EPS8: variants seen among roughly 807,000 people sequenced by gnomAD.
EPS8 encodes epidermal growth factor receptor kinase substrate 8.
A neutral mutation model predicts 103.8 loss-of-function variants in EPS8; 42 were observed. The observed-to-expected ratio is 0.40, with a 90% CI of 0.32 to 0.52. EPS8 has a LOEUF of 0.52. Ranked by LOEUF, EPS8 falls within the 20% of genes least tolerant of loss-of-function variation. The probability of loss-of-function intolerance (pLI) is 0.40; values close to 1 mark genes in which losing one functional copy is unlikely to be tolerated. For synonymous variants in EPS8, 344 were observed against 344.6 expected (o/e 1.00, Z 0.02); for missense variants, 969 against 1,005.1 (o/e 0.96, Z 0.49).
intron 3 of EPS8, chr12:15,672,537 TG>T (rs1326518436): frequency 2.5e-6 from 1 of 398,182 alleles, no homozygotes; most frequent in African/African-American, 2.1e-5. Flanking sequence ...AAGAAAGATC[TG>T]GTTTCACCTA....
At chr12:15,641,591 G>A (rs1185581749) in intron 16 of EPS8, 131 bp downstream of exon 16, 3 of 459,384 alleles carry the variant, frequency 6.5e-6, no homozygotes, top group Admixed American at 8.1e-5. Context: ...CTACTAAATA[G>A]ATGTAGATAT....
chr12:15,621,377 T>C lies in EPS8; in HGVS notation c.2409A>G (p.Lys803=). The C allele has an allele frequency of 6.2e-7, 1 of 1,605,356 alleles. No individual in the cohort carries two copies. The highest frequency in any genetic ancestry group is 8.5e-7 in the Non-Finnish European group (1 of 1,176,900). The change falls in exon 21 of 21, where the codon AAA becomes AAG. Residue 803 remains lysine, a synonymous_variant. Transcript: ENST00000281172. ...CTGAATCACTAGCGGCAGCACTGAT[T>C]TTTTCCTGTCGTCTTCTCATAATTT... is the stretch of plus-strand genomic sequence containing the variant. ...LQEIMRRRQE[K]ISAAASDSGV...
Position 15,688,917 on chromosome 12 carries a change from G to A in EPS8, c.-21-5945C>T, listed in dbSNP as rs907217467. Among the ~76,000 whole-genome samples the A allele has an allele frequency of 2.0e-5, 3 of 152,166 alleles. No homozygotes were observed. Among genetic ancestry groups the A allele is most frequent in the African/African-American group, 7.2e-5 (3 of 41,438 alleles). ...ACACTCGCCCACGGGGGCTTCATCT[G>A]TAAACATTCACTCCTAGACACTGCT... On this transcript the variant is annotated intron_variant, in intron 1 of 20. Coordinates refer to ENST00000281172, the MANE Select transcript of EPS8 (RefSeq NM_004447.6). This position sits in a 1 kb window ranked among gnomAD's most constrained non-coding sequence, Gnocchi z 5.1.
chr12:15,767,930 T>G lies in EPS8; in HGVS notation c.-22+21231A>C, dbSNP rs1051881220. ...GTTATTTTACAAATAAAGTTTTCCA[T>G]TCAATTTAGAATAATGTAAAGAAAT... On this transcript the variant is annotated intron_variant, in intron 1 of 20. Transcript: ENST00000281172. This position sits in a 1 kb window ranked among gnomAD's most constrained non-coding sequence, Gnocchi z 5.5. Among the ~76,000 whole-genome samples, 1 of 152,244 alleles carries G rather than the reference T, an allele frequency of 6.6e-6. No homozygotes were observed. The highest frequency in any genetic ancestry group is 1.5e-5 in the Non-Finnish European group (1 of 68,048).
Position 15,762,283 on chromosome 12 carries a change from A to G in EPS8, c.-22+26878T>C, listed in dbSNP as rs1324359943. 6.6e-6 allele frequency among the ~76,000 whole-genome samples: 1 copy of G among 152,204 alleles called. No homozygotes were observed. The highest frequency in any genetic ancestry group is 6.5e-5 in the Admixed American group (1 of 15,280). ...GGCTTTTATCCAAAAGACAGACAAT[A>G]ACAAATGCCGACAAGGATGTAGAGA... On this transcript the variant is annotated intron_variant, in intron 1 of 20. Transcript: ENST00000281172. The surrounding 1 kb of genome is among the most constrained non-coding windows in gnomAD (Gnocchi z 4.8).
chr12:15,624,181 G>A (rs1175734612), intron 19 of EPS8, 46 bp downstream of exon 19: 4 of 1,465,786 alleles, frequency 2.7e-6, no homozygotes, highest in African/African-American at 1.4e-5. Flanking sequence ...TGAAAACAAT[G>A]CATGTTGTAC....
At position 15,662,051 on chromosome 12, in the gene EPS8, A is replaced by G; in HGVS notation, c.785T>C (p.Met262Thr). 6.2e-7 allele frequency: 1 copy of G among 1,613,974 alleles called. No individual in the cohort carries two copies. The highest frequency in any genetic ancestry group is 8.5e-7 in the Non-Finnish European group (1 of 1,179,826). The change falls in exon 9 of 21, where the codon ATG (methionine) becomes ACG (threonine). Residue 262 changes from methionine (M) to threonine (T), a missense_variant. Met to Thr is a moderately conservative substitution (Grantham distance 81, BLOSUM62 -1). Coordinates refer to ENST00000281172, the MANE Select transcript of EPS8 (RefSeq NM_004447.6). ...CACATCTCTGTCAATGCGGGCTGCC[A>G]TCATCTCAGGTGTTTCTTCCTGCTC... The part of the protein sequence containing the change: ...YHEQEETPEM[M>T]AARIDRDVQI...
chr12:15,709,115 T>A (rs1946427367), intron 1 of EPS8, among the ~76,000 whole-genome samples: 1 of 152,114 alleles, frequency 6.6e-6, no homozygotes, highest in Non-Finnish European at 1.5e-5. Context: ...TTTTTTTCAG[T>A]AACCAAATAT....
intron 14 of EPS8, among the ~76,000 whole-genome samples, chr12:15,649,443 T>C (rs1945375196): frequency 6.6e-6 from 1 of 152,320 alleles, no homozygotes; most frequent in Non-Finnish European, 1.5e-5. Context: ...TTATATTTTC[T>C]TTCCTCTAGA....
intron 1 of EPS8, among the ~76,000 whole-genome samples, chr12:15,691,516 G>C (rs891853549): frequency 6.6e-6 from 1 of 152,140 alleles, no homozygotes; most frequent in Non-Finnish European, 1.5e-5. Flanking sequence ...TGCGCCTAGG[G>C]CTGGAAGCGG....
chr12:15,664,675 A>G (rs992785855), intron 8 of EPS8, among the ~76,000 whole-genome samples: 1 of 152,206 alleles, frequency 6.6e-6, no homozygotes, highest in African/African-American at 2.4e-5. Flanking sequence ...AATGAGTTAT[A>G]TCGTTTAACT....
chr12:15,683,057 T>C, intron 1 of EPS8, 85 bp from the exon 2 acceptor site: 1 of 644,070 alleles, frequency 1.6e-6, no homozygotes, highest in East Asian at 3.0e-5. Flanking sequence ...AACAAATATG[T>C]GTTGCTGCCA....
rs894554929 is a variant in EPS8 at position 15,777,218 on chromosome 12, A to G, written c.-22+11943T>C. On this transcript the variant is annotated intron_variant, in intron 1 of 20. Transcript: ENST00000281172. This position sits in a 1 kb window ranked among gnomAD's most constrained non-coding sequence, Gnocchi z 4.7. ...CATTATATAACTCAAGATATATTTT[A>G]ATTCAAATTCTAAAATTCCCTACAG... Among the ~76,000 whole-genome samples the G allele has an allele frequency of 7.2e-5, 11 of 152,052 alleles. No homozygotes were observed.
rs1565498241 is a variant in EPS8, at chr12:15,682,951, TTG to T, written c.-2_-1del. ...GGATGATTAGAAATATGACCATTCA[TTG>T]TGTCTTTCACTTGTGTGTTCTAAAA... On this transcript the variant is annotated 5_prime_UTR_variant, in exon 2 of 21. Transcript: ENST00000281172. The T allele has an allele frequency of 6.3e-7, 1 of 1,579,568 alleles. No individual in the cohort carries two copies. The highest frequency in any genetic ancestry group is 8.6e-7 in the Non-Finnish European group (1 of 1,161,898).
Position 15,700,156 on chromosome 12 carries a change from A to T in EPS8, c.-21-17184T>A, listed in dbSNP as rs1185869193. On this transcript the variant is annotated intron_variant, in intron 1 of 20. Coordinates refer to ENST00000281172, the MANE Select transcript of EPS8 (RefSeq NM_004447.6). The surrounding 1 kb of genome is among the most constrained non-coding windows in gnomAD (Gnocchi z 5.1). The stretch of plus-strand genomic sequence containing the variant: ...GGGGACAGAATGAGACTCCATCTCA[A>T]AAACAACAACAACAAAAAAAGAAAC... 6.6e-6 allele frequency among the ~76,000 whole-genome samples: 1 copy of T among 152,204 alleles called. No individual in the cohort carries two copies. The highest frequency in any genetic ancestry group is 1.5e-5 in the Non-Finnish European group (1 of 68,032).
At position 15,631,530 on chromosome 12, in the gene EPS8, T is replaced by A; in HGVS notation, c.1956A>T (p.Ala652=). ...PAPVPVSKVP[A]NITRQNSSSS... is the part of the protein sequence containing the mutation. ...AGCTGCTGTTTTGACGTGTTATATT[T>A]GCTGGGACCTTTGACACAGGAACAG... Residue 652 remains alanine (A), a synonymous_variant, in exon 18 of 21, where the codon GCA becomes GCT. Coordinates refer to ENST00000281172, the MANE Select transcript of EPS8 (RefSeq NM_004447.6). 1 of 1,614,068 alleles carries A rather than the reference T, an allele frequency of 6.2e-7. No homozygotes were observed. Among genetic ancestry groups the A allele is most frequent in the Non-Finnish European group, 8.5e-7 (1 of 1,180,002 alleles).
rs2136011990 is a variant in EPS8 at position 15,745,538 on chromosome 12, A to T, written c.-22+43623T>A. 6.8e-6 allele frequency among the ~76,000 whole-genome samples: 1 copy of T among 146,066 alleles called. No individual in the cohort carries two copies. The highest frequency in any genetic ancestry group is 7.1e-5 in the Admixed American group (1 of 14,014). Reference sequence around the variant, plus strand: ...TCTCTACAGTCCCCATCTGACTCCAAAAATCTATGACTATGTATCCAAAAA... The same window carrying T: ...TCTCTACAGTCCCCATCTGACTCCATAAATCTATGACTATGTATCCAAAAA... On this transcript the variant is annotated intron_variant, in intron 1 of 20. Coordinates refer to ENST00000281172, the MANE Select transcript of EPS8 (RefSeq NM_004447.6). The surrounding 1 kb of genome is among the most constrained non-coding windows in gnomAD (Gnocchi z 4.6).
At chr12:15,741,535 A>G (rs1402795216) in intron 1 of EPS8, among the ~76,000 whole-genome samples, 1 of 152,130 alleles carries the variant, frequency 6.6e-6, no homozygotes, top group African/African-American at 2.4e-5. Context: ...TGGCCCTGCA[A>G]TTTATCGAGC....
chr12:15,711,033 CTTATTTATTTATTTATTTAT>C (rs143155444), intron 1 of EPS8, among the ~76,000 whole-genome samples: 19 of 136,506 alleles, frequency 1.4e-4, no homozygotes, highest in East Asian at 6.6e-4. Flanking sequence ...CCATGCCAGG[CTTATTTATTTATTTATTTAT>C]TTATTTATTT....
Sources: gnomAD v4.1 joint callset for allele counts (sites outside exome capture counted in the v4.1 genomes callset) on GRCh38, gnomAD v4.1.1 for gene constraint, Gnocchi (gnomAD v3.1) non-coding constraint, MANE v1.5 for transcripts, NCBI Gene and HGNC (gene_info 2026-07-23, HGNC 2026-07-21) for gene names.